TSGA10IP: variants seen among roughly 807,000 people sequenced by gnomAD.
TSGA10IP encodes testis-specific protein 10-interacting protein.
In TSGA10IP, 64 loss-of-function variants were observed where a neutral mutation model predicts 63.2. The ratio of observed to expected loss-of-function variants is 1.01; its 90% CI spans 0.83 to 1.25. The LOEUF (loss-of-function observed/expected upper bound fraction) is 1.25, where lower values mean the gene tolerates loss of function less well. Ranked by LOEUF, TSGA10IP falls within the 50% of genes most tolerant of loss-of-function variation. The pLI is 0.00. For missense variants in TSGA10IP, 681 were observed against 710.1 expected (o/e 0.96, Z 0.47); for synonymous variants, 316 against 298.3 (o/e 1.06, Z -0.61).
At chr11:65,954,455 T>G (rs1456230823) in intron 5 of TSGA10IP, among the ~76,000 whole-genome samples, 1 of 151,814 alleles carries the variant, frequency 6.6e-6, no homozygotes, top group Non-Finnish European at 1.5e-5. Context: ...ATTACAGGTG[T>G]GAGACACTGC....
At position 65,947,845 on chromosome 11, in the gene TSGA10IP, G is replaced by C. The variant is rs1353350611; in HGVS notation, c.1003+17G>C. On this transcript the variant is annotated intron_variant, in intron 3 of 7. Coordinates refer to ENST00000532620, the Ensembl canonical transcript of TSGA10IP. The stretch of plus-strand genomic sequence containing the variant: ...TGGACTGTGGTGAGCGTGGGGCTCA[G>C]AGCCTGGATTCCCCCGAAGCTACAC... 6 of 1,532,984 alleles carry C rather than the reference G, an allele frequency of 3.9e-6. No homozygotes were observed. The highest frequency in any genetic ancestry group is 5.3e-6 in the Non-Finnish European group (6 of 1,138,712). The allele number at this position is 1,532,984 out of a possible 1,614,324, so 95.0% of individuals were successfully genotyped here. A position where few individuals can be genotyped will look rare whatever the true frequency, so the allele number is the denominator to read the frequency against.
chr11:65,949,080 T>G (rs1854898525), intron 4 of TSGA10IP, among the ~76,000 whole-genome samples: 2 of 151,998 alleles, frequency 1.3e-5, no homozygotes, highest in African/African-American at 4.8e-5. Flanking sequence ...GGAAAGTGTC[T>G]GTAGCCCCAG....
chr11:65,953,454 G>C, intron 4 of TSGA10IP, 113 bp from the exon 5 acceptor site: 1 of 1,386,042 alleles, frequency 7.2e-7, no homozygotes, highest in Non-Finnish European at 9.5e-7. Flanking sequence ...CACTGGCTCT[G>C]GACACTGCAG....
intron 3 of TSGA10IP, 76 bp from the exon 4 acceptor site, chr11:65,947,925 C>T: frequency 2.0e-6 from 3 of 1,519,196 alleles, no homozygotes; most frequent in Non-Finnish European, 2.6e-6. Flanking sequence ...CTGGGCTGTG[C>T]TCTGGGTGCT....
At chr11:65,950,623 C>T (rs972975165) in intron 4 of TSGA10IP, among the ~76,000 whole-genome samples, 7 of 151,110 alleles carry the variant, frequency 4.6e-5, no homozygotes, top group African/African-American at 1.5e-4. Context: ...AGTGCAGTGG[C>T]GCGATCTCAG....
intron 4 of TSGA10IP, among the ~76,000 whole-genome samples, chr11:65,952,234 G>T (rs1854955457): frequency 6.6e-6 from 1 of 152,094 alleles, no homozygotes; most frequent in South Asian, 2.1e-4. Context: ...CCCCTTTTCA[G>T]ATGTATGGTT....
exon 3 of TSGA10IP, chr11:65,947,758 G>A (rs1025886542): frequency 1.3e-6 from 2 of 1,588,338 alleles, no homozygotes; most frequent in South Asian, 1.1e-5. Flanking sequence ...GGAAGACAAG[G>A]GCCAAGGAGC....
chr11:65,957,863 G>A (rs1043639676), intron 5 of TSGA10IP, among the ~76,000 whole-genome samples: 5 of 152,168 alleles, frequency 3.3e-5, no homozygotes, highest in Admixed American at 1.3e-4. Flanking sequence ...GGTGTGGCTC[G>A]AAGGTCCCTC....
At chr11:65,948,308 CCAT>C (rs1854882592) in intron 4 of TSGA10IP, among the ~76,000 whole-genome samples, 160 bp downstream of exon 4, 2 of 152,012 alleles carry the variant, frequency 1.3e-5, no homozygotes, top group African/African-American at 4.8e-5. Context: ...ATCCATCCAT[CCAT>C]CCATCCACCC....
chr11:65,959,558 G>A (rs775727742), intron 7 of TSGA10IP, among the ~76,000 whole-genome samples: 5 of 152,204 alleles, frequency 3.3e-5, no homozygotes, highest in African/African-American at 9.6e-5. Context: ...GCAACCATCT[G>A]AGCGGCCACA....
chr11:65,957,031 G>A (rs1310363399), intron 5 of TSGA10IP, among the ~76,000 whole-genome samples: 1 of 152,320 alleles, frequency 6.6e-6, no homozygotes, highest in African/African-American at 2.4e-5. Flanking sequence ...ACTCTGTCCT[G>A]CCTAGGAAGG....
chr11:65,948,537 A>G (rs1854887189), intron 4 of TSGA10IP, among the ~76,000 whole-genome samples: 1 of 152,226 alleles, frequency 6.6e-6, no homozygotes, highest in African/African-American at 2.4e-5. Context: ...TTAGCTGGGC[A>G]TGGTGACACG....
Position 65,953,765 on chromosome 11 carries a change from G to A in TSGA10IP, c.1322+28G>A, listed in dbSNP as rs368072716. 1.6e-4 allele frequency: 232 copies of A among 1,484,116 alleles called. 2 individuals are homozygous for A. The South Asian group carries it at 2.6e-3, about 17-fold the overall frequency. 91.9% of individuals were successfully genotyped at this position (1,484,116 alleles called of 1,614,324 possible). A position where few individuals can be genotyped will look rare whatever the true frequency, so the allele number is the denominator to read the frequency against. On this transcript the variant is annotated intron_variant, in intron 5 of 7. Coordinates refer to ENST00000532620, the Ensembl canonical transcript of TSGA10IP. ...AGGGAGCCTGGGCTTCGGGAGGCCT[G>A]GTTGGGAGAGGGCAGGGAGGCCGTG...
At chr11:65,950,390 T>G (rs1854923897) in intron 4 of TSGA10IP, among the ~76,000 whole-genome samples, 1 of 151,672 alleles carries the variant, frequency 6.6e-6, no homozygotes, top group African/African-American at 2.4e-5. Flanking sequence ...GAGTTTGACT[T>G]TATTTATTTA....
chr11:65,954,345 TTTGTA>T (rs1854991264), intron 5 of TSGA10IP, among the ~76,000 whole-genome samples: 1 of 151,290 alleles, frequency 6.6e-6, no homozygotes. Context: ...TTTTTTTTTT[TTTGTA>T]TTTTTAGTAG....
At chr11:65,950,133 G>A (rs1049713139) in intron 4 of TSGA10IP, among the ~76,000 whole-genome samples, 1 of 151,370 alleles carries the variant, frequency 6.6e-6, no homozygotes, top group Non-Finnish European at 1.5e-5. Flanking sequence ...TCACAGGCGT[G>A]AGCCACCACT....
intron 1 of TSGA10IP, 134 bp downstream of exon 1, chr11:65,945,956 G>A: frequency 8.9e-7 from 1 of 1,125,422 alleles, no homozygotes; most frequent in Non-Finnish European, 1.3e-6. Flanking sequence ...GGCAGGAGTG[G>A]GACAGGGACC....
intron 6 of TSGA10IP, 53 bp downstream of exon 6, chr11:65,959,035 G>A: frequency 6.3e-7 from 1 of 1,598,000 alleles, no homozygotes. Context: ...AGAGCTGGCT[G>A]AGTGGGTAGG....
Position 65,945,545 on chromosome 11 carries a change from T to C in TSGA10IP, c.-131T>C, listed in dbSNP as rs1284342863. ...TGCTGAACTCTCTCCCAGAAGGAGA[T>C]TGGCCTCACATACCCCACTGACCCC... On this transcript the variant is annotated 5_prime_UTR_variant, in exon 1 of 8. Transcript: ENST00000532620. 7.2e-6 allele frequency: 7 copies of C among 973,718 alleles called. No homozygotes were observed. The Admixed American group carries it at 1.4e-4, about 19-fold the overall frequency. The allele number at this position is 973,718 out of a possible 1,614,324, so 60.3% of individuals were successfully genotyped here.
Sources: allele counts gnomAD v4.1 joint callset (sites outside exome capture counted in the v4.1 genomes callset), GRCh38; gene constraint gnomAD v4.1.1; transcripts MANE v1.5; gene names NCBI Gene and HGNC (gene_info 2026-07-23, HGNC 2026-07-21).